The following LSM1 variants were observed in gnomAD, a reference collection of about 807,000 sequenced individuals.
LSM1 encodes the protein LSM1 homolog, mRNA degradation associated.
LSM1 carries 13 observed loss-of-function variants against 18.0 expected under a neutral mutation model. The ratio of observed to expected loss-of-function variants is 0.72; its 90% confidence interval spans 0.47 to 1.15. The LOEUF (loss-of-function observed/expected upper bound fraction) is 1.15. Ranked by LOEUF, LSM1 falls within the 50% of genes most tolerant of loss-of-function variation. The pLI, the probability that LSM1 is intolerant of heterozygous loss-of-function variation, is 0.00. For synonymous variants in LSM1, 46 were observed against 56.0 expected (o/e 0.82, Z 0.80); for missense variants, 152 against 157.7 (o/e 0.96, Z 0.19).
At chr8:38,173,734 C>G (rs559497895) in intron 1 of LSM1, among the ~76,000 whole-genome samples, 2 of 152,246 alleles carry the variant, frequency 1.3e-5, no homozygotes, top group Admixed American at 1.3e-4. Flanking sequence ...GCTATCAGGA[C>G]ACTTAATAGA....
chr8:38,166,526 G>A (rs759791508), intron 3 of LSM1, among the ~76,000 whole-genome samples: 10 of 152,174 alleles, frequency 6.6e-5, no homozygotes, highest in Non-Finnish European at 1.2e-4. Context: ...TGGTGTTTTT[G>A]TAAGATGGAA....
At chr8:38,174,694 C>T (rs528137848) in intron 1 of LSM1, among the ~76,000 whole-genome samples, 36 of 152,068 alleles carry the variant, frequency 2.4e-4, no homozygotes, top group Non-Finnish European at 4.4e-4. Flanking sequence ...ACTACATTTC[C>T]CTTACATAGC....
rs948262621 is a variant in LSM1 at position 38,163,430 on chromosome 8, C to T, written c.*240G>A. On this transcript the variant is annotated 3_prime_UTR_variant, in exon 4 of 4. Transcript: ENST00000311351. ...GAAGAACAATATAAAGAAGTAGTTGCTGGTGCCACAGTGATGTGTGAAGGA... is the reference window on the plus strand; with the variant it reads ...GAAGAACAATATAAAGAAGTAGTTGTTGGTGCCACAGTGATGTGTGAAGGA... The T allele has an allele frequency of 1.8e-5, 7 of 387,052 alleles. No homozygotes were observed. Among genetic ancestry groups the T allele is most frequent in the East Asian group, 1.6e-4 (4 of 25,340 alleles). 24.0% of individuals were successfully genotyped at this position (387,052 alleles called of 1,614,324 possible).
At chr8:38,175,338 G>T (rs1220914187) in intron 1 of LSM1, among the ~76,000 whole-genome samples, 1 of 152,088 alleles carries the variant, frequency 6.6e-6, no homozygotes, top group African/African-American at 2.4e-5. Context: ...AAAGTGCTGG[G>T]ATTACAGGCG....
chr8:38,174,438 T>C (rs2130648995), intron 1 of LSM1, among the ~76,000 whole-genome samples: 1 of 152,200 alleles, frequency 6.6e-6, no homozygotes, highest in South Asian at 2.1e-4. Flanking sequence ...AACTGTGTGT[T>C]AGGGTTGGGG....
intron 2 of LSM1, 50 bp downstream of exon 2, chr8:38,171,915 G>A (rs1372646626): frequency 7.5e-7 from 1 of 1,336,934 alleles, no homozygotes; most frequent in East Asian, 2.3e-5. Flanking sequence ...AATGCAATGG[G>A]CTGCTGTTAT....
intron 1 of LSM1, among the ~76,000 whole-genome samples, chr8:38,172,324 C>CTTT (rs66755601): frequency 8.1e-6 from 1 of 123,690 alleles, no homozygotes; most frequent in Non-Finnish European, 1.7e-5. Context: ...TTCCTTTTTT[C>CTTT]TTTTTTTTTT....
Position 38,163,559 on chromosome 8 carries a change from G to T in LSM1, c.*111C>A. On this transcript the variant is annotated 3_prime_UTR_variant, in exon 4 of 4. Coordinates refer to ENST00000311351, the MANE Select transcript of LSM1 (RefSeq NM_014462.3). ...ATGTAAAATAATTAAAAATAAAAGT[G>T]ACTTTTCAAAACTCTACAGTCTGTG... 1 of 895,754 alleles carries T rather than the reference G, an allele frequency of 1.1e-6. No individual in the cohort carries two copies. The highest frequency in any genetic ancestry group is 2.6e-5 in the East Asian group (1 of 37,886). 55.5% of individuals were successfully genotyped at this position (895,754 alleles called of 1,614,324 possible). A position where few individuals can be genotyped will look rare whatever the true frequency, so the allele number is the denominator to read the frequency against.
rs925262564 is a variant in LSM1 at position 38,176,462 on chromosome 8, C to G, written c.-142G>C. 2 of 662,212 alleles carry G rather than the reference C, an allele frequency of 3.0e-6. No individual in the cohort carries two copies. The highest frequency in any genetic ancestry group is 5.2e-6 in the Non-Finnish European group (2 of 383,544). The allele number at this position is 662,212 out of a possible 1,614,324, so 41.0% of individuals were successfully genotyped here. ...CCAGCACTTCTGCCCCGGCTTTCAG[C>G]CGCCGGGGGCTGCCGGAAGCTCCTC... On this transcript the variant is annotated 5_prime_UTR_variant, in exon 1 of 4. Transcript: ENST00000311351.
chr8:38,172,294 C>G (rs1305600302), intron 1 of LSM1, among the ~76,000 whole-genome samples: 1 of 150,188 alleles, frequency 6.7e-6, no homozygotes, highest in East Asian at 1.9e-4. Flanking sequence ...GCTCTAGACC[C>G]TTATGTTGGT....
chr8:38,169,741 A>C, intron 3 of LSM1, 61 bp downstream of exon 3: 1 of 963,406 alleles, frequency 1.0e-6, no homozygotes, highest in South Asian at 1.5e-5. Flanking sequence ...GAAAAGACAA[A>C]AAAAGAAGTC....
chr8:38,168,424 C>G (rs1802973965), intron 3 of LSM1, among the ~76,000 whole-genome samples: 1 of 151,382 alleles, frequency 6.6e-6, no homozygotes, highest in South Asian at 2.1e-4. Flanking sequence ...AACCCCGTCT[C>G]TACTAAAAAT....
At chr8:38,169,753 A>G (rs1327071939) in intron 3 of LSM1, 49 bp downstream of exon 3, 3 of 1,080,642 alleles carry the variant, frequency 2.8e-6, no homozygotes, top group Admixed American at 3.8e-5. Flanking sequence ...AAAGAAGTCT[A>G]ACTAGCATGA....
At chr8:38,174,940 T>C (rs901520143) in intron 1 of LSM1, among the ~76,000 whole-genome samples, 1 of 149,472 alleles carries the variant, frequency 6.7e-6, no homozygotes, top group Non-Finnish European at 1.5e-5. Flanking sequence ...ACAAGAATTG[T>C]TTAAACCCGG....
intron 3 of LSM1, among the ~76,000 whole-genome samples, chr8:38,169,477 A>G (rs1223437138): frequency 6.6e-6 from 1 of 152,234 alleles, no homozygotes; most frequent in Non-Finnish European, 1.5e-5. Flanking sequence ...AATACTGTGC[A>G]TTAGCTTTAT....
At chr8:38,172,533 G>A (rs1212450654) in intron 1 of LSM1, among the ~76,000 whole-genome samples, 1 of 152,030 alleles carries the variant, frequency 6.6e-6, no homozygotes, top group African/African-American at 2.4e-5. Context: ...TGTTAGCTAG[G>A]CTGGTCTCAA....
At position 38,169,823 on chromosome 8, in the gene LSM1, A is replaced by AT. The variant is rs1398838147; in HGVS notation, c.209dup (p.Asn70LysfsTer15). The AT allele has an allele frequency of 6.2e-7, 1 of 1,612,108 alleles. No homozygotes were observed. The highest frequency in any genetic ancestry group is 8.5e-7 in the Non-Finnish European group (1 of 1,178,344). ...TTACTATTTCTCCTAGTAGGACCAC[A>AT]TTTTCTCCTCTGACCACAAAAATCC... On this transcript the variant is annotated frameshift_variant, in exon 3 of 4. Transcript: ENST00000311351. LOFTEE classifies it high-confidence loss of function.
rs145368949 is a variant in LSM1, at chr8:38,172,390, C to T, written c.47-357G>A. Among the ~76,000 whole-genome samples, 968 of 149,276 alleles carry T rather than the reference C, an allele frequency of 6.5e-3. 2 individuals carry two copies. The highest frequency in any genetic ancestry group is 0.011 in the Non-Finnish European group (722 of 67,648). Reference sequence around the variant, plus strand: ...AGGCTGCAGTGCAGTGGCACAATCTCGGCTTACTACAACCTCTGCCTCCCA... The same window carrying T: ...AGGCTGCAGTGCAGTGGCACAATCTTGGCTTACTACAACCTCTGCCTCCCA... On this transcript the variant is annotated intron_variant, in intron 1 of 3. Coordinates refer to ENST00000311351, the MANE Select transcript of LSM1 (RefSeq NM_014462.3).
chr8:38,164,020 T>C (rs1447592742), intron 3 of LSM1, among the ~76,000 whole-genome samples, 180 bp from the exon 4 acceptor site: 1 of 152,136 alleles, frequency 6.6e-6, no homozygotes, highest in Non-Finnish European at 1.5e-5. Context: ...AACACTACTA[T>C]AGGATACATA....
Sources: allele counts gnomAD v4.1 joint callset (sites outside exome capture counted in the v4.1 genomes callset), GRCh38; gene constraint gnomAD v4.1.1; transcripts MANE v1.5; gene names NCBI Gene and HGNC (gene_info 2026-07-23, HGNC 2026-07-21).